Variants in TRDN observed in about 807,000 individuals in gnomAD.
TRDN encodes the protein triadin in skeletal muscle.
TRDN carries 161 observed loss-of-function variants against 149.7 expected under a neutral mutation model. The ratio of observed to expected loss-of-function variants is 1.08; its 90% CI spans 0.95 to 1.23. TRDN has a LOEUF of 1.23. Ranked by LOEUF, TRDN falls within the 50% of genes most tolerant of loss-of-function variation. The pLI, the probability that TRDN is intolerant of heterozygous loss-of-function variation, is 0.00. For missense variants in TRDN, 896 were observed against 823.5 expected, an observed-to-expected ratio of 1.09 and a Z score of -1.08; for synonymous variants, 294 against 250.5, an observed-to-expected ratio of 1.17 and a Z score of -1.64.
At chr6:123,519,720 A>G (rs1779584733) in intron 5 of TRDN, among the ~76,000 whole-genome samples, 1 of 148,464 alleles carries the variant, frequency 6.7e-6, no homozygotes, top group Non-Finnish European at 1.5e-5. Context: ...AATCTTGAGT[A>G]CCCAACCAAA....
rs752670246 is a variant in TRDN, at chr6:123,377,671, A to G, written c.1246+45T>C. 8 of 1,610,048 alleles carry G rather than the reference A, an allele frequency of 5.0e-6. No individual in the cohort carries two copies. The South Asian group carries it at 8.8e-5, about 18-fold the overall frequency. ...GTTTGAGGCTACAGCATTAATAAAC[A>G]CTGGACATGAGTATTCGGAATCCAG... On this transcript the variant is annotated intron_variant, in intron 18 of 40. Coordinates refer to ENST00000334268, the MANE Select transcript of TRDN (RefSeq NM_006073.4).
At chr6:123,281,924 A>C (rs1160797178) in intron 24 of TRDN, among the ~76,000 whole-genome samples, 1 of 152,052 alleles carries the variant, frequency 6.6e-6, no homozygotes, top group African/African-American at 2.4e-5. Flanking sequence ...TACATGTGGA[A>C]GTCCAGACGC....
intron 10 of TRDN, among the ~76,000 whole-genome samples, chr6:123,455,825 GTTAC>G (rs1184669803): frequency 2.0e-5 from 3 of 151,996 alleles, no homozygotes; most frequent in Admixed American, 6.6e-5. Flanking sequence ...ACAATATCAT[GTTAC>G]TTACATAAAA....
At chr6:123,317,492 T>C (rs78156462) in intron 23 of TRDN, among the ~76,000 whole-genome samples, 1 of 151,930 alleles carries the variant, frequency 6.6e-6, no homozygotes, top group Non-Finnish European at 1.5e-5. Flanking sequence ...AAGAATGTCA[T>C]AGACTTTTAC....
intron 1 of TRDN, among the ~76,000 whole-genome samples, chr6:123,617,313 G>T (rs1785145958): frequency 6.6e-6 from 1 of 152,122 alleles, no homozygotes; most frequent in African/African-American, 2.4e-5. Context: ...CATGTAGGTG[G>T]CTGAATATAT....
At chr6:123,368,749 C>G (rs1307140435) in intron 19 of TRDN, among the ~76,000 whole-genome samples, 1 of 152,096 alleles carries the variant, frequency 6.6e-6, no homozygotes, top group Non-Finnish European at 1.5e-5. Context: ...TTCTTTGGCA[C>G]CATTTTTTTC....
chr6:123,636,850 G>T lies in TRDN; in HGVS notation c.-75C>A. 6.4e-7 allele frequency: 1 copy of T among 1,569,890 alleles called. No homozygotes were observed. The highest frequency in any genetic ancestry group is 1.1e-5 in the South Asian group (1 of 89,976). ...CTTTGCAGAGTATTTGGGGATTTGA[G>T]AACTCTGGTGGAGGGTTCTGTGTCA... On this transcript the variant is annotated 5_prime_UTR_variant, in exon 1 of 41. Coordinates refer to ENST00000334268, the MANE Select transcript of TRDN (RefSeq NM_006073.4).
intron 21 of TRDN, chr6:123,349,739 T>C: frequency 1.0e-6 from 1 of 983,234 alleles, no homozygotes; most frequent in South Asian, 4.7e-5. Flanking sequence ...TAGATATTAT[T>C]AGCATTCACT....
intron 9 of TRDN, among the ~76,000 whole-genome samples, chr6:123,472,500 G>T (rs186310512): frequency 0.01 from 1,598 of 152,336 alleles, 18 homozygotes; most frequent in Non-Finnish European, 0.016. Context: ...CAGCAAGGCT[G>T]GGGGAGGGGC....
chr6:123,446,046 C>A (rs1775323870), intron 10 of TRDN, among the ~76,000 whole-genome samples: 1 of 151,288 alleles, frequency 6.6e-6, no homozygotes, highest in South Asian at 2.1e-4. Context: ...CCATGGAATA[C>A]TATGAAGCCA....
At chr6:123,553,324 C>T (rs1394638927) in intron 2 of TRDN, among the ~76,000 whole-genome samples, 1 of 152,078 alleles carries the variant, frequency 6.6e-6, no homozygotes, top group Admixed American at 6.6e-5. Flanking sequence ...TTAACCCCAA[C>T]CTTAATGCTA....
At chr6:123,293,690 GC>G (rs1380154507) in intron 24 of TRDN, among the ~76,000 whole-genome samples, 1 of 152,088 alleles carries the variant, frequency 6.6e-6, no homozygotes, top group Non-Finnish European at 1.5e-5. Flanking sequence ...TTCTGTTTGT[GC>G]CCCCTCTGGG....
rs923243054 is a variant in TRDN, at chr6:123,488,180, A to T, written c.853+9013T>A. Among the ~76,000 whole-genome samples, 9 of 152,224 alleles carry T rather than the reference A, an allele frequency of 5.9e-5. No individual in the cohort carries two copies. The East Asian group carries it at 1.7e-3, about 29-fold the overall frequency. ...ACCTTTCTCCAAAACTCCACACTTG[A>T]TTATCTAGCTGCTTACTTCAGTTAG... On this transcript the variant is annotated intron_variant, in intron 9 of 40. Coordinates refer to ENST00000334268, the MANE Select transcript of TRDN (RefSeq NM_006073.4).
chr6:123,519,473 G>GTTTTTTTTTTTTTTTTTTTTTTT (rs762378636), intron 5 of TRDN, among the ~76,000 whole-genome samples: 2 of 73,930 alleles, frequency 2.7e-5, no homozygotes, highest in African/African-American at 7.3e-5. Flanking sequence ...TGACCCTGTG[G>GTTTTTTTTTTTTTTTTTTTTTTT]TTTTTTTTTT....
At chr6:123,297,352 A>C (rs1373535395) in intron 24 of TRDN, among the ~76,000 whole-genome samples, 1 of 152,044 alleles carries the variant, frequency 6.6e-6, no homozygotes, top group East Asian at 1.9e-4. Flanking sequence ...AGTGATGTTG[A>C]AGAGACTGTT....
At chr6:123,602,256 G>C (rs924850864) in intron 1 of TRDN, among the ~76,000 whole-genome samples, 3 of 152,082 alleles carry the variant, frequency 2.0e-5, no homozygotes, top group African/African-American at 7.2e-5. Context: ...CCATAAAACA[G>C]AATCACGTAA....
At chr6:123,380,318 G>C (rs528362385) in intron 16 of TRDN, among the ~76,000 whole-genome samples, 2 of 152,174 alleles carry the variant, frequency 1.3e-5, no homozygotes, top group Non-Finnish European at 2.9e-5. Flanking sequence ...GGGCCTTAAG[G>C]CTATCTCTAT....
chr6:123,338,724 G>A (rs1582890909), intron 21 of TRDN, among the ~76,000 whole-genome samples: 1 of 152,312 alleles, frequency 6.6e-6, no homozygotes, highest in Middle Eastern at 3.4e-3. Flanking sequence ...TGAACAACAT[G>A]AAATCAGCTG....
intron 20 of TRDN, among the ~76,000 whole-genome samples, chr6:123,359,622 A>G (rs1170093694): frequency 6.6e-6 from 1 of 152,242 alleles, no homozygotes; most frequent in Non-Finnish European, 1.5e-5. Flanking sequence ...CTCAAGAAAC[A>G]GAAACAGTAA....
Sources: gnomAD v4.1 joint callset for allele counts (sites outside exome capture counted in the v4.1 genomes callset) on GRCh38, gnomAD v4.1.1 for gene constraint, MANE v1.5 for transcripts, NCBI Gene and HGNC (gene_info 2026-07-23, HGNC 2026-07-21) for gene names.